The following PLXNA4 variants were observed in gnomAD, a reference collection of about 807,000 sequenced individuals.
PLXNA4 encodes plexin A4, also known as plexin-A4.
In PLXNA4, 44 loss-of-function variants were observed where a neutral mutation model predicts 191.8. The ratio of observed to expected loss-of-function variants is 0.23; its 90% confidence interval spans 0.18 to 0.29. The LOEUF is 0.29. Ranked by LOEUF, PLXNA4 falls within the 10% of genes least tolerant of loss-of-function variation. The pLI is 1.00. For missense variants in PLXNA4, 1,800 were observed against 2,488.8 expected, an observed-to-expected ratio of 0.72 and a Z score of 5.89; for synonymous variants, 1,082 against 1,009.5, an observed-to-expected ratio of 1.07 and a Z score of -1.36.
At chr7:132,137,698 GGATGGGTGGGGA>G (rs1455881290) in intron 30 of PLXNA4, among the ~76,000 whole-genome samples, 1 of 151,070 alleles carries the variant, frequency 6.6e-6, no homozygotes, top group East Asian at 2.0e-4. Flanking sequence ...TGGGAGGGGA[GGATGGGTGGGGA>G]GATGGTGGGA....
chr7:132,554,612 C>T lies in PLXNA4; in HGVS notation c.-87+21810G>A, dbSNP rs762594742. ...TCAAAGCTAAGGTGCCTGGAAGAAT[C>T]GAGCACGCTCTGAACCAGGGTGCCT... On this transcript the variant is annotated intron_variant, in intron 1 of 31. Transcript: ENST00000321063. Among the ~76,000 whole-genome samples, 109 of 152,156 alleles carry T rather than the reference C, an allele frequency of 7.2e-4. 1 individual carries two copies. The highest frequency in any genetic ancestry group is 1.4e-3 in the Non-Finnish European group (97 of 68,036).
At chr7:132,232,711 C>T (rs1798563614) in intron 5 of PLXNA4, among the ~76,000 whole-genome samples, 1 of 152,116 alleles carries the variant, frequency 6.6e-6, no homozygotes, top group South Asian at 2.1e-4. Flanking sequence ...CTGGAGAATT[C>T]CCAGCCAAGT....
At chr7:132,285,175 C>T (rs566782734) in intron 4 of PLXNA4, among the ~76,000 whole-genome samples, 75 of 152,304 alleles carry the variant, frequency 4.9e-4, no homozygotes, top group Non-Finnish European at 1.0e-3. Flanking sequence ...ATTATAACCA[C>T]CCAGCCAATG....
intron 3 of PLXNA4, among the ~76,000 whole-genome samples, chr7:132,394,671 TA>T (rs1360934190): frequency 6.6e-6 from 1 of 152,224 alleles, no homozygotes; most frequent in African/African-American, 2.4e-5. Flanking sequence ...AACATGCAAT[TA>T]AAACTGAGTT....
intron 3 of PLXNA4, among the ~76,000 whole-genome samples, chr7:132,390,495 C>T (rs1805359066): frequency 6.6e-6 from 1 of 152,030 alleles, no homozygotes; most frequent in Non-Finnish European, 1.5e-5. Flanking sequence ...CAGCAAACCA[C>T]CATGGCACAT....
intron 3 of PLXNA4, among the ~76,000 whole-genome samples, chr7:132,419,020 G>A (rs573273593): frequency 2.0e-5 from 3 of 152,318 alleles, no homozygotes; most frequent in East Asian, 1.9e-4. Context: ...TACAGGCACC[G>A]TCTCCTTGTC....
chr7:132,585,964 G>A (rs980977118), intron 2 of PLXNA4, among the ~76,000 whole-genome samples: 3 of 152,212 alleles, frequency 2.0e-5, no homozygotes, highest in African/African-American at 7.2e-5. Context: ...TTAGGCTGGT[G>A]TTGCTCTCTA....
chr7:132,134,093 G>A (rs946966757), intron 30 of PLXNA4, among the ~76,000 whole-genome samples: 6 of 152,142 alleles, frequency 3.9e-5, no homozygotes, highest in African/African-American at 1.4e-4. Flanking sequence ...CAGTCTGCAG[G>A]GCAGGGACTA....
At chr7:132,385,050 A>C in intron 3 of PLXNA4, 2 of 1,474,002 alleles carry the variant, frequency 1.4e-6, no homozygotes, top group South Asian at 2.7e-5. Flanking sequence ...TTTTTCCCTA[A>C]GGACTTGGGG....
chr7:132,413,600 A>G (rs1358511813), intron 3 of PLXNA4, among the ~76,000 whole-genome samples: 1 of 152,198 alleles, frequency 6.6e-6, no homozygotes, highest in Admixed American at 6.5e-5. Flanking sequence ...AAGCAATTCA[A>G]TGGTGCCTTA....
chr7:132,377,641 C>T (rs1335343183), intron 3 of PLXNA4, among the ~76,000 whole-genome samples: 3 of 152,154 alleles, frequency 2.0e-5, no homozygotes, highest in African/African-American at 7.2e-5. Flanking sequence ...CCCCTCTCCC[C>T]ACCTTGCTGC....
chr7:132,526,791 C>T (rs1799418794), intron 1 of PLXNA4, among the ~76,000 whole-genome samples: 1 of 152,138 alleles, frequency 6.6e-6, no homozygotes, highest in Admixed American at 6.5e-5. Flanking sequence ...GATGGCACAC[C>T]TTCACAGGTA....
intron 3 of PLXNA4, among the ~76,000 whole-genome samples, chr7:132,396,469 T>C (rs1040799280): frequency 1.2e-4 from 18 of 152,248 alleles, no homozygotes; most frequent in African/African-American, 4.3e-4. Flanking sequence ...GTGGCAGGGC[T>C]GGACTTGGGT....
intron 29 of PLXNA4, among the ~76,000 whole-genome samples, chr7:132,141,328 G>A (rs1048859325): frequency 6.6e-6 from 1 of 152,116 alleles, no homozygotes; most frequent in Admixed American, 6.5e-5. Flanking sequence ...CTCCTACTGG[G>A]GCTGAGAAGT....
At chr7:132,589,015 CTTCA>C (rs937231901) in intron 2 of PLXNA4, among the ~76,000 whole-genome samples, 28 of 152,006 alleles carry the variant, frequency 1.8e-4, no homozygotes, top group African/African-American at 6.0e-4. Flanking sequence ...TTTTAGAAAA[CTTCA>C]TTGTAATTGT....
chr7:132,380,995 G>C (rs778667506), intron 3 of PLXNA4, among the ~76,000 whole-genome samples: 126 of 152,382 alleles, frequency 8.3e-4, no homozygotes, highest in Non-Finnish European at 6.2e-4. Flanking sequence ...TCCTGAGCTA[G>C]AGACTCACGT....
chr7:132,529,484 C>T (rs774498282), intron 1 of PLXNA4, among the ~76,000 whole-genome samples: 1 of 152,130 alleles, frequency 6.6e-6, no homozygotes, highest in Admixed American at 6.5e-5. Flanking sequence ...ACTTACTATG[C>T]ATTGGATTCA....
chr7:132,555,848 A>G (rs1800780004), intron 1 of PLXNA4, among the ~76,000 whole-genome samples: 1 of 152,158 alleles, frequency 6.6e-6, no homozygotes, highest in Admixed American at 6.5e-5. Context: ...GCCTTGCATC[A>G]GAGTCTACAC....
chr7:132,256,875 G>A (rs1374968935), intron 4 of PLXNA4, among the ~76,000 whole-genome samples: 1 of 152,158 alleles, frequency 6.6e-6, no homozygotes, highest in Admixed American at 6.5e-5. Flanking sequence ...AGGCTATGGG[G>A]GCACAGGGAC....
Sources: gnomAD v4.1 joint callset for allele counts (sites outside exome capture counted in the v4.1 genomes callset) on GRCh38, gnomAD v4.1.1 for gene constraint, MANE v1.5 for transcripts, NCBI Gene and HGNC (gene_info 2026-07-23, HGNC 2026-07-21) for gene names.